The following RAI1 variants were observed in gnomAD, a reference collection of about 807,000 sequenced individuals.
RAI1 encodes retinoic acid induced 1.
RAI1 carries 9 observed loss-of-function variants against 123.8 expected under a neutral mutation model. That is an observed-to-expected ratio of 0.07 (90% CI 0.04 to 0.13). The LOEUF (loss-of-function observed/expected upper bound fraction) is 0.13, where lower values mean the gene tolerates loss of function less well. Ranked by LOEUF, RAI1 falls within the 10% of genes least tolerant of loss-of-function variation. RAI1 has a pLI of 1.00. For synonymous variants in RAI1, 1,231 were observed against 1,127.3 expected (o/e 1.09, Z -1.84); for missense variants, 2,256 against 2,545.8 (o/e 0.89, Z 2.45).
At chr17:17,700,832 CG>C (rs1915198706) in intron 1 of RAI1, among the ~76,000 whole-genome samples, 1 of 152,204 alleles carries the variant, frequency 6.6e-6, no homozygotes, top group Non-Finnish European at 1.5e-5. Context: ...CGCCGTCCCC[CG>C]GCCATCTTGG....
At chr17:17,738,391 G>A (rs940626150) in intron 2 of RAI1, among the ~76,000 whole-genome samples, 4 of 150,092 alleles carry the variant, frequency 2.7e-5, no homozygotes, top group Non-Finnish European at 6.0e-5. Context: ...GGCTGGCCTG[G>A]CGGGGCGGGG....
intron 2 of RAI1, among the ~76,000 whole-genome samples, chr17:17,756,953 T>C (rs1433768994): frequency 6.6e-6 from 1 of 152,208 alleles, no homozygotes; most frequent in African/African-American, 2.4e-5. Flanking sequence ...CCCATTGCCT[T>C]TCAGAGTTTG....
rs1491248703 is a variant in RAI1, at chr17:17,686,608, T to TGTGCGCGCGCGC, written c.-149+4816_-149+4817insTGCGCGCGCGCG. On this transcript the variant is annotated intron_variant, in intron 1 of 5. Coordinates refer to ENST00000353383, the MANE Select transcript of RAI1 (RefSeq NM_030665.4). ...GTGTGTGTGTGTGTGTGTGTGTGTG[T>TGTGCGCGCGCGC]GCACGCGCGCGCCGGGGAGGGGAGA... Among the ~76,000 whole-genome samples, 114 of 137,850 alleles carry TGTGCGCGCGCGC rather than the reference T, an allele frequency of 8.3e-4. 1 individual carries two copies. The highest frequency in any genetic ancestry group is 1.7e-3 in the African/African-American group (63 of 36,224). 90.4% of individuals were successfully genotyped at this position (137,850 alleles called of 152,430 possible). A position where few individuals can be genotyped will look rare whatever the true frequency, so the allele number is the denominator to read the frequency against.
In RAI1 at chr17:17,779,977, G is replaced by A. The variant is rs1315608865; in HGVS notation, c.-16-12956G>A. On this transcript the variant is annotated intron_variant, in intron 2 of 5. Coordinates refer to ENST00000353383, the MANE Select transcript of RAI1 (RefSeq NM_030665.4). ...TTTTTAGTAGAGACGGGGTTTCACC[G>A]TGTTAGCCAGGATGGTCTCGATCTC... Among the ~76,000 whole-genome samples, 24 of 150,910 alleles carry A rather than the reference G, an allele frequency of 1.6e-4. No homozygotes were observed. The East Asian group carries it at 2.5e-3, about 16-fold the overall frequency.
At chr17:17,689,951 G>A (rs1372456714) in intron 1 of RAI1, among the ~76,000 whole-genome samples, 2 of 152,146 alleles carry the variant, frequency 1.3e-5, no homozygotes, top group Non-Finnish European at 2.9e-5. Flanking sequence ...CCAACTCCTT[G>A]AATCAGACCC....
At chr17:17,719,135 G>A (rs1373149371) in intron 1 of RAI1, among the ~76,000 whole-genome samples, 1 of 152,052 alleles carries the variant, frequency 6.6e-6, no homozygotes, top group African/African-American at 2.4e-5. Flanking sequence ...CTGTGCTCCT[G>A]CCCTGGCCCC....
intron 2 of RAI1, among the ~76,000 whole-genome samples, chr17:17,758,682 A>G (rs2030549608): frequency 6.6e-6 from 1 of 152,218 alleles, no homozygotes; most frequent in Non-Finnish European, 1.5e-5. Flanking sequence ...TAGGAGACAG[A>G]CGCGCCAACC....
chr17:17,796,026 C>T lies in RAI1; in HGVS notation c.3078C>T (p.Leu1026=). 3 of 1,592,396 alleles carry T rather than the reference C, an allele frequency of 1.9e-6. No individual in the cohort carries two copies. Among genetic ancestry groups the T allele is most frequent in the Non-Finnish European group, 2.6e-6 (3 of 1,170,508 alleles). The change falls in exon 3 of 6, where the codon CTC becomes CTT. Residue 1026 remains leucine (L), a synonymous_variant. Coordinates refer to ENST00000353383, the MANE Select transcript of RAI1 (RefSeq NM_030665.4). This position sits in a 1 kb window ranked among gnomAD's most constrained non-coding sequence, Gnocchi z 5.8. The stretch of plus-strand genomic sequence containing the variant: ...CAGTGCTGCCCAAAGACCTCTTGCT[C>T]CCTGAATCCTGCACAGGGCCCCCCC... ...RAPVLPKDLL[L]PESCTGPPQG...
rs1037378453 is a variant in RAI1 at position 17,709,434 on chromosome 17, C to A, written c.-148-14594C>A. 2.0e-5 allele frequency among the ~76,000 whole-genome samples: 3 copies of A among 152,294 alleles called. No homozygotes were observed. In the South Asian group the frequency reaches 6.2e-4, roughly 32 times the overall value. On this transcript the variant is annotated intron_variant, in intron 1 of 5. Transcript: ENST00000353383. ...CCTACCCCGACTCTCTTCTCCACCCCTCCAGGCTCCCAAGGCCCCTGCCTG... is the reference window on the plus strand; with the variant it reads ...CCTACCCCGACTCTCTTCTCCACCCATCCAGGCTCCCAAGGCCCCTGCCTG...
At chr17:17,722,893 G>A (rs1197350706) in intron 1 of RAI1, among the ~76,000 whole-genome samples, 4 of 152,142 alleles carry the variant, frequency 2.6e-5, no homozygotes. Context: ...CGACCCCGGC[G>A]CTGCCTGTTG....
chr17:17,735,692 G>C (rs1916412053), intron 2 of RAI1, among the ~76,000 whole-genome samples: 1 of 152,194 alleles, frequency 6.6e-6, no homozygotes, highest in Non-Finnish European at 1.5e-5. Flanking sequence ...AAGTGATTTA[G>C]AAGTGGCCTG....
chr17:17,794,472 G>T lies in RAI1; in HGVS notation c.1524G>T (p.Thr508=), dbSNP rs141826168. The T allele has an allele frequency of 6.2e-7, 1 of 1,612,134 alleles. No homozygotes were observed. Among genetic ancestry groups the T allele is most frequent in the Non-Finnish European group, 8.5e-7 (1 of 1,179,572 alleles). The change falls in exon 3 of 6, where the codon ACG becomes ACT. Residue 508 remains threonine (T), a synonymous_variant. Coordinates refer to ENST00000353383, the MANE Select transcript of RAI1 (RefSeq NM_030665.4). The part of the protein sequence containing the change: ...SEPPSSTPQS[T]HAEPQEADYL... ...CGCCGAGCAGCACGCCACAGTCCAC[G>T]CATGCGGAGCCGCAGGAGGCCGACT...
At chr17:17,752,339 G>A (rs1169330424) in intron 2 of RAI1, among the ~76,000 whole-genome samples, 1 of 152,218 alleles carries the variant, frequency 6.6e-6, no homozygotes, top group Non-Finnish European at 1.5e-5. Context: ...CGGAGGGGCG[G>A]GGCGGGGTGA....
At chr17:17,778,608 G>C in intron 2 of RAI1, 1 of 397,278 alleles carries the variant, frequency 2.5e-6, no homozygotes, top group Non-Finnish European at 5.1e-6. Flanking sequence ...GGGGCAGATG[G>C]TGGCTCCTCT....
intron 4 of RAI1, among the ~76,000 whole-genome samples, chr17:17,805,108 G>A (rs1369730987): frequency 1.3e-5 from 2 of 152,066 alleles, no homozygotes; most frequent in African/African-American, 2.4e-5. Flanking sequence ...TGATCCGCCC[G>A]CCTCAGCTGC....
rs922641738 is a variant in RAI1, at chr17:17,809,481, G to A, written c.5709+42G>A. ...TTTTGTAGGGCGAGGGGTGTCAAGC[G>A]GGAGAGGAGCCCCACCTCGCACCTC... On this transcript the variant is annotated intron_variant, in intron 5 of 5. Coordinates refer to ENST00000353383, the MANE Select transcript of RAI1 (RefSeq NM_030665.4). The surrounding 1 kb of genome is among the most constrained non-coding windows in gnomAD (Gnocchi z 4.9). The A allele has an allele frequency of 1.4e-5, 22 of 1,545,202 alleles. No homozygotes were observed. The highest frequency in any genetic ancestry group is 1.9e-5 in the Non-Finnish European group (21 of 1,118,762).
chr17:17,745,871 G>A lies in RAI1; in HGVS notation c.-17+21712G>A, dbSNP rs529173572. ...TGGAGGAAGCCGTGAGGATGTGGCC[G>A]GAGGAGAGGGGCAGGCTTGGGCCCT... is the stretch of plus-strand genomic sequence containing the variant. On this transcript the variant is annotated intron_variant, in intron 2 of 5. Coordinates refer to ENST00000353383, the MANE Select transcript of RAI1 (RefSeq NM_030665.4). Among the ~76,000 whole-genome samples the A allele has an allele frequency of 1.2e-3, 187 of 152,332 alleles. 1 individual carries two copies. The highest frequency in any genetic ancestry group is 4.2e-3 in the African/African-American group (176 of 41,570).
intron 2 of RAI1, among the ~76,000 whole-genome samples, chr17:17,757,032 G>A (rs138878841): frequency 1.8e-4 from 27 of 152,256 alleles, no homozygotes; most frequent in Middle Eastern, 3.4e-3. Flanking sequence ...CCCTATCTCC[G>A]CGGGGTCAGG....
Position 17,795,904 on chromosome 17 carries a change from A to G in RAI1, c.2956A>G (p.Ile986Val). Reference sequence around the variant, plus strand: ...CAAGCCTGCTGTGCCCGAGGCGCCCATCGCAAAGAAAGAGCCTGTGCCACG... The same window carrying G: ...CAAGCCTGCTGTGCCCGAGGCGCCCGTCGCAAAGAAAGAGCCTGTGCCACG... ...PNKPAVPEAPIAKKEPVPRGK... is the reference protein window; with the variant it reads ...PNKPAVPEAPVAKKEPVPRGK... Residue 986 changes from isoleucine to valine, a missense_variant, in exon 3 of 6, where the codon ATC becomes GTC. Physicochemically the swap from Ile to Val is conservative, Grantham distance 29. Transcript: ENST00000353383. The surrounding 1 kb of genome is among the most constrained non-coding windows in gnomAD (Gnocchi z 5.9). The G allele has an allele frequency of 6.2e-7, 1 of 1,611,264 alleles. No individual in the cohort carries two copies. The highest frequency in any genetic ancestry group is 1.7e-4 in the Middle Eastern group (1 of 6,060).
Sources: allele counts gnomAD v4.1 joint callset (sites outside exome capture counted in the v4.1 genomes callset), GRCh38; gene constraint gnomAD v4.1.1; non-coding constraint Gnocchi (gnomAD v3.1); transcripts MANE v1.5; gene names NCBI Gene and HGNC (gene_info 2026-07-23, HGNC 2026-07-21).